CSMD2: variants seen among roughly 807,000 people sequenced by gnomAD.
The protein encoded by CSMD2 is CUB and Sushi multiple domains 2.
In CSMD2, 130 loss-of-function variants were observed where a neutral mutation model predicts 398.5. That is an observed-to-expected ratio of 0.33 (90% CI 0.28 to 0.38). The LOEUF is 0.38. Among genes scored for constraint, CSMD2 ranks in the 10% least tolerant of loss-of-function variants. The pLI is 1.00. For synonymous variants in CSMD2, 1,828 were observed against 1,908.5 expected, an observed-to-expected ratio of 0.96 and a Z score of 1.10; for missense variants, 3,829 against 4,764.9, an observed-to-expected ratio of 0.80 and a Z score of 5.78.
intron 25 of CSMD2, among the ~76,000 whole-genome samples, chr1:33,691,025 T>C (rs1645220309): frequency 6.6e-6 from 1 of 152,166 alleles, no homozygotes; most frequent in Non-Finnish European, 1.5e-5. Flanking sequence ...ACATTTGCAC[T>C]TGACTTTGAG....
chr1:33,709,650 T>G (rs1645919551), intron 21 of CSMD2: 1 of 320,554 alleles, frequency 3.1e-6, no homozygotes, highest in Non-Finnish European at 5.7e-6. Flanking sequence ...GGCAGTTAAG[T>G]GAGGAGAGAT....
chr1:33,569,319 C>T (rs1659357801), intron 52 of CSMD2, 55 bp downstream of exon 52: 2 of 1,529,790 alleles, frequency 1.3e-6, no homozygotes, highest in South Asian at 2.5e-5. Flanking sequence ...TTGGAAAGAT[C>T]TAATCTATCT....
intron 3 of CSMD2, among the ~76,000 whole-genome samples, chr1:33,954,047 GATA>G (rs1315250754): frequency 6.6e-6 from 1 of 152,060 alleles, no homozygotes; most frequent in Non-Finnish European, 1.5e-5. Flanking sequence ...CTATAAAGAG[GATA>G]ATAATATAAC....
chr1:33,581,229 C>T (rs998746237), intron 47 of CSMD2, among the ~76,000 whole-genome samples: 1 of 151,702 alleles, frequency 6.6e-6, no homozygotes, highest in East Asian at 1.9e-4. Flanking sequence ...CACTTGGCCA[C>T]CCTACTTCTC....
intron 2 of CSMD2, among the ~76,000 whole-genome samples, chr1:34,084,277 G>A (rs575418192): frequency 6.6e-6 from 1 of 152,156 alleles, no homozygotes; most frequent in African/African-American, 2.4e-5. Context: ...TAGAACACAG[G>A]CCAGACCAGT....
intron 3 of CSMD2, among the ~76,000 whole-genome samples, chr1:33,991,551 G>C (rs934732936): frequency 6.6e-6 from 1 of 152,176 alleles, no homozygotes; most frequent in African/African-American, 2.4e-5. Flanking sequence ...CCCTGCCTCA[G>C]CCAGCTTTGC....
rs189879759 is a variant in CSMD2, at chr1:33,647,939, T to C, written c.4587-1104A>G. Among the ~76,000 whole-genome samples, 4 of 152,334 alleles carry C rather than the reference T, an allele frequency of 2.6e-5. No individual in the cohort carries two copies. In the East Asian group the frequency reaches 7.7e-4, roughly 29 times the overall value. ...GAATAGGACCAATGATTAATAGCAC[T>C]AACGAAAGCCAACACCATAGACATC... On this transcript the variant is annotated intron_variant, in intron 28 of 70. Coordinates refer to ENST00000373381, the MANE Select transcript of CSMD2 (RefSeq NM_001281956.2).
chr1:33,604,991 G>C (rs1640490855), intron 42 of CSMD2, among the ~76,000 whole-genome samples: 1 of 152,154 alleles, frequency 6.6e-6, no homozygotes, highest in South Asian at 2.1e-4. Flanking sequence ...CTTCCAATGG[G>C]AGTCCTCCAG....
chr1:33,676,318 GACAA>G (rs746688532), intron 25 of CSMD2, among the ~76,000 whole-genome samples: 1 of 152,052 alleles, frequency 6.6e-6, no homozygotes, highest in Non-Finnish European at 1.5e-5. Context: ...ACCAATAACA[GACAA>G]ACAGAGAGCC....
intron 58 of CSMD2, among the ~76,000 whole-genome samples, chr1:33,542,357 G>T (rs527899851): frequency 7.9e-4 from 121 of 152,312 alleles, no homozygotes; most frequent in African/African-American, 2.8e-3. Flanking sequence ...TCTGGGGTTT[G>T]ATTCTAAGAG....
chr1:34,030,533 C>T (rs372708837), intron 3 of CSMD2, among the ~76,000 whole-genome samples: 97 of 152,332 alleles, frequency 6.4e-4, no homozygotes, highest in South Asian at 2.3e-3. Flanking sequence ...TATACCCACC[C>T]TCAGAATTTT....
intron 2 of CSMD2, among the ~76,000 whole-genome samples, chr1:34,055,481 A>C (rs1283673905): frequency 6.6e-6 from 1 of 152,126 alleles, no homozygotes; most frequent in Non-Finnish European, 1.5e-5. Flanking sequence ...CTTCTGACCA[A>C]CTGGCTGTAA....
intron 1 of CSMD2, among the ~76,000 whole-genome samples, chr1:34,114,689 C>T (rs185875204): frequency 1.3e-5 from 2 of 151,916 alleles, no homozygotes; most frequent in African/African-American, 4.8e-5. Flanking sequence ...CAGGATGAGA[C>T]CCTGTCTCAA....
chr1:34,061,910 C>T (rs1431137804), intron 2 of CSMD2, among the ~76,000 whole-genome samples: 1 of 152,118 alleles, frequency 6.6e-6, no homozygotes, highest in Non-Finnish European at 1.5e-5. Context: ...AGGTTGAAAG[C>T]ATTATCTTCC....
chr1:33,742,582 C>CG (rs1223926252), intron 14 of CSMD2, among the ~76,000 whole-genome samples: 1 of 134,268 alleles, frequency 7.4e-6, no homozygotes, highest in African/African-American at 2.8e-5. Context: ...CTTCTGCCCC[C>CG]CCCCCCCCAA....
intron 5 of CSMD2, among the ~76,000 whole-genome samples, chr1:33,858,364 C>T (rs1241733737): frequency 2.0e-5 from 3 of 152,104 alleles, no homozygotes; most frequent in Non-Finnish European, 2.9e-5. Flanking sequence ...AATACTTGGC[C>T]TTGTTCCTTC....
At chr1:33,967,471 C>T (rs910769388) in intron 3 of CSMD2, among the ~76,000 whole-genome samples, 1 of 147,852 alleles carries the variant, frequency 6.8e-6, no homozygotes, top group African/African-American at 2.5e-5. Flanking sequence ...GTGTGCACAC[C>T]CTCTTTCCCT....
rs528296653 is a variant in CSMD2, at chr1:33,772,390, A to G, written c.1846+179T>C. ...ACTTGTTCTCAGTGCTACAGTCGAC[A>G]TTCCTGCCAGAAATAAGGACCCCAC... On this transcript the variant is annotated intron_variant, in intron 13 of 70. Coordinates refer to ENST00000373381, the MANE Select transcript of CSMD2 (RefSeq NM_001281956.2). 5.6e-4 allele frequency: 328 copies of G among 585,770 alleles called. 8 individuals carry two copies. The South Asian group carries it at 6.7e-3, about 12-fold the overall frequency. 36.3% of individuals were successfully genotyped at this position (585,770 alleles called of 1,614,324 possible).
At chr1:33,593,663 G>A (rs908376318) in intron 44 of CSMD2, among the ~76,000 whole-genome samples, 1 of 152,194 alleles carries the variant, frequency 6.6e-6, no homozygotes, top group Non-Finnish European at 1.5e-5. Context: ...AGATTTGGGT[G>A]GAGATACAGC....
Sources: allele counts gnomAD v4.1 joint callset (sites outside exome capture counted in the v4.1 genomes callset), GRCh38; gene constraint gnomAD v4.1.1; transcripts MANE v1.5; gene names NCBI Gene and HGNC (gene_info 2026-07-23, HGNC 2026-07-21).